Variants in ZPBP observed in about 807,000 individuals in gnomAD.
ZPBP encodes the protein zona pellucida-binding protein 1.
A neutral mutation model predicts 44.8 loss-of-function variants in ZPBP; 26 were observed. The ratio of observed to expected loss-of-function variants is 0.58; its 90% confidence interval spans 0.43 to 0.81. ZPBP has a LOEUF of 0.81. Among genes scored for constraint, ZPBP ranks in the 30% least tolerant of loss-of-function variants. The pLI is 0.00. For missense variants in ZPBP, 409 were observed against 434.0 expected (o/e 0.94, Z 0.51); for synonymous variants, 174 against 153.2 (o/e 1.14, Z -1.00).
chr7:50,032,831 C>T (rs1268533311), intron 4 of ZPBP, among the ~76,000 whole-genome samples: 2 of 152,134 alleles, frequency 1.3e-5, no homozygotes, highest in Admixed American at 6.5e-5. Flanking sequence ...CAAAATCTCT[C>T]GCAAATCCTA....
At chr7:50,092,018 T>C (rs1361035172) in intron 1 of ZPBP, among the ~76,000 whole-genome samples, 4 of 152,224 alleles carry the variant, frequency 2.6e-5, no homozygotes, top group Admixed American at 2.6e-4. Context: ...AAAATGAGAA[T>C]ACTGTATAAA....
At chr7:49,942,284 C>A in intron 7 of ZPBP, 1 of 222,070 alleles carries the variant, frequency 4.5e-6, no homozygotes, top group Non-Finnish European at 8.9e-6. Context: ...CTGCTTCAGT[C>A]CCTCTGAGTC....
In ZPBP at chr7:50,081,784, T is replaced by C; in HGVS notation, c.324A>G (p.Lys108=). ...GAAACAAAATCCTACCTGAAACAAC[T>C]TTTCCTTTAGGCCCATACCATTGGA... ...PSFQWYGPKG[K]VVSVENRTAQ... The change falls in exon 3 of 8, where the codon AAA becomes AAG. Residue 108 remains lysine, a synonymous_variant. Coordinates refer to ENST00000046087, the MANE Select transcript of ZPBP (RefSeq NM_007009.3). 1 of 1,611,060 alleles carries C rather than the reference T, an allele frequency of 6.2e-7. No individual in the cohort carries two copies. Among genetic ancestry groups the C allele is most frequent in the Non-Finnish European group, 8.5e-7 (1 of 1,177,968 alleles).
intron 2 of ZPBP, among the ~76,000 whole-genome samples, chr7:49,879,995 G>A (rs1290909437): frequency 6.6e-6 from 1 of 152,056 alleles, no homozygotes; most frequent in Non-Finnish European, 1.5e-5. Flanking sequence ...CAGGCTTCAA[G>A]TTTCAAGAAA....
intron 3 of ZPBP, among the ~76,000 whole-genome samples, chr7:50,077,907 A>G (rs1191112055): frequency 6.6e-6 from 1 of 151,842 alleles, no homozygotes; most frequent in Non-Finnish European, 1.5e-5. Flanking sequence ...ACCCACAAGA[A>G]AGGAAATCAA....
At position 49,856,252 on chromosome 7, in the gene ZPBP, G is replaced by T. The variant is rs1393140719; in HGVS notation, n.510-5738C>A. Among the ~76,000 whole-genome samples, 6 of 152,148 alleles carry T rather than the reference G, an allele frequency of 3.9e-5. No homozygotes were observed. In the East Asian group the frequency reaches 1.2e-3, roughly 29 times the overall value. On this transcript the variant is annotated intron_variant and non_coding_transcript_variant, in intron 2 of 2. Transcript: ENST00000465922. ...CATGAGGGTGGATTCTGCATGAATGGCTTGGTGCTCTCCCCTTGGTAATGA... is the reference window on the plus strand; with the variant it reads ...CATGAGGGTGGATTCTGCATGAATGTCTTGGTGCTCTCCCCTTGGTAATGA...
At chr7:50,061,599 T>C (rs1055917760) in intron 3 of ZPBP, among the ~76,000 whole-genome samples, 1 of 152,054 alleles carries the variant, frequency 6.6e-6, no homozygotes, top group Admixed American at 6.6e-5. Flanking sequence ...TAATAAAGGG[T>C]TGATTTTAAT....
chr7:50,078,452 T>C (rs1356519407), intron 3 of ZPBP, among the ~76,000 whole-genome samples: 1 of 151,612 alleles, frequency 6.6e-6, no homozygotes, highest in Non-Finnish European at 1.5e-5. Flanking sequence ...TACCCCATTC[T>C]CCATGATGTG....
At chr7:49,875,106 T>TATTTCAATTCAGTCTCCTAAACAGGGA (rs1791343600) in intron 2 of ZPBP, among the ~76,000 whole-genome samples, 1 of 151,048 alleles carries the variant, frequency 6.6e-6, no homozygotes, top group Non-Finnish European at 1.5e-5. Context: ...GCACGGTGGC[T>TATTTCAATTCAGTCTCCTAAACAGGGA]CATGCCTGTA....
chr7:49,984,544 G>C (rs548442304), intron 6 of ZPBP, among the ~76,000 whole-genome samples: 2 of 152,244 alleles, frequency 1.3e-5, no homozygotes, highest in East Asian at 3.9e-4. Flanking sequence ...CAGGCATTAA[G>C]ATTCTCATAA....
At chr7:50,010,049 T>C (rs892261726) in intron 6 of ZPBP, among the ~76,000 whole-genome samples, 2 of 152,080 alleles carry the variant, frequency 1.3e-5, no homozygotes, top group African/African-American at 2.4e-5. Context: ...ATAGTAAAAA[T>C]GTAAGTTTTC....
chr7:49,951,258 T>C lies in ZPBP; in HGVS notation c.962-13636A>G, dbSNP rs183653866. The stretch of plus-strand genomic sequence containing the variant: ...AACTGGGATGAAATGGACAATATTA[T>C]GGATGTGAAAAGAAAAGCAGAGAAC... On this transcript the variant is annotated intron_variant, in intron 7 of 7. Transcript: ENST00000046087. Among the ~76,000 whole-genome samples, 8 of 151,858 alleles carry C rather than the reference T, an allele frequency of 5.3e-5. No individual in the cohort carries two copies. The East Asian group carries it at 1.5e-3, about 29-fold the overall frequency.
At chr7:49,992,811 C>T (rs566864417) in intron 6 of ZPBP, among the ~76,000 whole-genome samples, 1 of 151,976 alleles carries the variant, frequency 6.6e-6, no homozygotes, top group East Asian at 1.9e-4. Context: ...ATCTGGGAGG[C>T]ACAATAAATT....
the ZPBP span, among the ~76,000 whole-genome samples, chr7:49,844,795 C>T: frequency 6.6e-6 from 1 of 152,068 alleles, no homozygotes; most frequent in East Asian, 1.9e-4. Context: ...TGGGTTCAAG[C>T]GATTCTCCTG....
At chr7:50,039,176 C>A (rs1194575994) in intron 4 of ZPBP, among the ~76,000 whole-genome samples, 1 of 151,672 alleles carries the variant, frequency 6.6e-6, no homozygotes, top group Non-Finnish European at 1.5e-5. Context: ...TAAAGGAAAC[C>A]AAAATTGAAG....
chr7:50,052,518 C>T (rs941176025), intron 4 of ZPBP, among the ~76,000 whole-genome samples: 1 of 152,142 alleles, frequency 6.6e-6, no homozygotes, highest in Non-Finnish European at 1.5e-5. Flanking sequence ...CAAAATGGTA[C>T]AGCCATTCTG....
chr7:49,900,337 T>C (rs998936654), intron 2 of ZPBP, among the ~76,000 whole-genome samples: 1 of 151,710 alleles, frequency 6.6e-6, no homozygotes, highest in African/African-American at 2.4e-5. Flanking sequence ...TCTATTAATT[T>C]AAAACAGGAA....
chr7:49,920,729 AT>A (rs1318649334), intron 1 of ZPBP: 2 of 59,330 alleles, frequency 3.4e-5, no homozygotes, highest in African/African-American at 1.4e-4. Context: ...TATAATTTGA[AT>A]TGTTTAAAAT....
chr7:49,884,027 G>A (rs932062558), intron 2 of ZPBP, among the ~76,000 whole-genome samples: 1 of 152,188 alleles, frequency 6.6e-6, no homozygotes, highest in Non-Finnish European at 1.5e-5. Context: ...GCCAGCCAAG[G>A]TAGGAGGCAA....
Sources: allele counts gnomAD v4.1 joint callset (sites outside exome capture counted in the v4.1 genomes callset), GRCh38; gene constraint gnomAD v4.1.1; transcripts MANE v1.5; gene names NCBI Gene and HGNC (gene_info 2026-07-23, HGNC 2026-07-21).